The following PCDHGA8 variants were observed in gnomAD, a reference collection of about 807,000 sequenced individuals.
PCDHGA8 encodes protocadherin gamma-A8.
In PCDHGA8, 45 loss-of-function variants were observed where a neutral mutation model predicts 59.2. The observed-to-expected ratio is 0.76, with a 90% CI of 0.60 to 0.98. The LOEUF (loss-of-function observed/expected upper bound fraction) is 0.98, where lower values mean the gene tolerates loss of function less well. Among genes scored for constraint, PCDHGA8 ranks in the 50% least tolerant of loss-of-function variants. The probability of loss-of-function intolerance (pLI) is 0.00; values close to 1 mark genes in which losing one functional copy is unlikely to be tolerated. For synonymous variants in PCDHGA8, 531 were observed against 519.0 expected, an observed-to-expected ratio of 1.02 and a Z score of -0.32; for missense variants, 1,257 against 1,196.2, an observed-to-expected ratio of 1.05 and a Z score of -0.75.
intron 3 of PCDHGA8, among the ~76,000 whole-genome samples, chr5:141,510,162 A>C (rs947806998): frequency 6.6e-6 from 1 of 151,838 alleles, no homozygotes; most frequent in Non-Finnish European, 1.5e-5. Flanking sequence ...AATCTCAGCT[A>C]CTCAGGAGGT....
rs779317191 is a variant in PCDHGA8, at chr5:141,432,553, C to G, written c.2424+37316C>G. The G allele has an allele frequency of 2.6e-5, 42 of 1,613,748 alleles. No individual in the cohort carries two copies. The highest frequency in any genetic ancestry group is 2.0e-4 in the South Asian group (18 of 91,068). The stretch of plus-strand genomic sequence containing the variant: ...AGGTGGTGGCGGTGGACAGAGACTC[C>G]GGCCAGAACGCCTGGCTGTCCTACC... On this transcript the variant is annotated intron_variant, in intron 1 of 3. Coordinates refer to ENST00000398604, the MANE Select transcript of PCDHGA8 (RefSeq NM_032088.2). The surrounding 1 kb of genome is among the most constrained non-coding windows in gnomAD (Gnocchi z 6.0).
At chr5:141,420,245 G>T (rs72790042) in intron 1 of PCDHGA8, 1 of 1,584,230 alleles carries the variant, frequency 6.3e-7, no homozygotes, top group East Asian at 2.2e-5. Flanking sequence ...AACTCCCAGC[G>T]TTGAAGCAGA....
chr5:141,413,788 G>T (rs2095678300), intron 1 of PCDHGA8: 1 of 1,613,166 alleles, frequency 6.2e-7, no homozygotes, highest in African/African-American at 1.3e-5. Flanking sequence ...GCACTCCCTA[G>T]ATCGCGAGGA....
intron 1 of PCDHGA8, chr5:141,400,431 A>G (rs542969819): frequency 3.0e-5 from 48 of 1,614,034 alleles, no homozygotes; most frequent in African/African-American, 1.1e-4. Context: ...GTAGTGAGCA[A>G]TTGAGTTCAG....
At position 141,423,563 on chromosome 5, in the gene PCDHGA8, C is replaced by T. The variant is rs745802952; in HGVS notation, c.2424+28326C>T. 9.9e-6 allele frequency: 16 copies of T among 1,613,436 alleles called. No homozygotes were observed. In the Admixed American group the frequency reaches 2.3e-4, roughly 24 times the overall value. ...TTCCCCCAGCCCAACTATGGGGACA[C>T]GCTCATCAGCCAGGAGAGCTGTGAG... On this transcript the variant is annotated intron_variant, in intron 1 of 3. Coordinates refer to ENST00000398604, the MANE Select transcript of PCDHGA8 (RefSeq NM_032088.2).
rs146574799 is a variant in PCDHGA8, at chr5:141,487,337, G to A, written c.2425-7470G>A. The A allele has an allele frequency of 1.4e-5, 23 of 1,614,054 alleles. No individual in the cohort carries two copies. The highest frequency in any genetic ancestry group is 3.3e-5 in the Admixed American group (2 of 60,002). The stretch of plus-strand genomic sequence containing the variant: ...TAAGTGTCTTCGTGGGGCAGCCTGT[G>A]GAGTCACATGCTTTCCTGCTGGCAC... On this transcript the variant is annotated intron_variant, in intron 1 of 3. Coordinates refer to ENST00000398604, the MANE Select transcript of PCDHGA8 (RefSeq NM_032088.2). The surrounding 1 kb of genome is among the most constrained non-coding windows in gnomAD (Gnocchi z 5.0).
chr5:141,470,242 T>G (rs1301513342), intron 1 of PCDHGA8, among the ~76,000 whole-genome samples: 1 of 152,226 alleles, frequency 6.6e-6, no homozygotes, highest in African/African-American at 2.4e-5. Flanking sequence ...CCCTTGAATG[T>G]CCCACCTGTC....
chr5:141,491,438 G>A lies in PCDHGA8; in HGVS notation c.2425-3369G>A, dbSNP rs376927300. The A allele has an allele frequency of 3.7e-6, 6 of 1,614,066 alleles. No homozygotes were observed. Among genetic ancestry groups the A allele is most frequent in the Admixed American group, 1.7e-5 (1 of 60,016 alleles). On this transcript the variant is annotated intron_variant, in intron 1 of 3. Coordinates refer to ENST00000398604, the MANE Select transcript of PCDHGA8 (RefSeq NM_032088.2). This position sits in a 1 kb window ranked among gnomAD's most constrained non-coding sequence, Gnocchi z 6.9. ...GGGGGTGGAGGGCAGTGCTGCAGGC[G>A]CCAGGACTCACCCTCCCCGGACTTC...
At chr5:141,433,099 C>T (rs1003269683) in intron 1 of PCDHGA8, 1 of 1,614,190 alleles carries the variant, frequency 6.2e-7, no homozygotes, top group Non-Finnish European at 8.5e-7. Context: ...ACATGCTCGT[C>T]AGCCAGGAGA....
rs766164142 is a variant in PCDHGA8, at chr5:141,477,910, G to A, written c.2425-16897G>A. On this transcript the variant is annotated intron_variant, in intron 1 of 3. Transcript: ENST00000398604. The surrounding 1 kb of genome is among the most constrained non-coding windows in gnomAD (Gnocchi z 4.9). ...TGTCACGGGTGGTAGGCTGGGACGC[G>A]GATGCAGGGCACAATGCCTGGCTCT... 6.2e-7 allele frequency: 1 copy of A among 1,614,166 alleles called. No individual in the cohort carries two copies. Among genetic ancestry groups the A allele is most frequent in the Admixed American group, 1.7e-5 (1 of 60,020 alleles).
chr5:141,432,264 C>A lies in PCDHGA8; in HGVS notation c.2424+37027C>A. On this transcript the variant is annotated intron_variant, in intron 1 of 3. Transcript: ENST00000398604. The surrounding 1 kb of genome is among the most constrained non-coding windows in gnomAD (Gnocchi z 6.0). Reference sequence around the variant, plus strand: ...AACACCATCCAAGGGGCAAGCCTATCGTCCTACGTGTCCATCAACTCCGAC... The same window carrying A: ...AACACCATCCAAGGGGCAAGCCTATAGTCCTACGTGTCCATCAACTCCGAC... 5 of 1,614,252 alleles carry A rather than the reference C, an allele frequency of 3.1e-6. No homozygotes were observed. Among genetic ancestry groups the A allele is most frequent in the Non-Finnish European group, 4.2e-6 (5 of 1,180,044 alleles).
intron 1 of PCDHGA8, among the ~76,000 whole-genome samples, chr5:141,469,484 A>AGAATCGCT (rs1279677032): frequency 6.6e-6 from 1 of 152,074 alleles, no homozygotes; most frequent in African/African-American, 2.4e-5. Flanking sequence ...CTGAGGCAGG[A>AGAATCGCT]GAATCGCTTG....
chr5:141,398,597 C>A (rs986852077), intron 1 of PCDHGA8: 4 of 1,614,006 alleles, frequency 2.5e-6, no homozygotes, highest in Non-Finnish European at 3.4e-6. Flanking sequence ...CTAGAAGTAG[C>A]AGAAGATGCA....
chr5:141,453,387 G>A (rs1313174494), intron 1 of PCDHGA8, among the ~76,000 whole-genome samples: 1 of 151,936 alleles, frequency 6.6e-6, no homozygotes, highest in Non-Finnish European at 1.5e-5. Flanking sequence ...TCCTGCCTTA[G>A]CCTCCAAGTG....
chr5:141,402,850 T>C (rs1447900346), intron 1 of PCDHGA8: 7 of 1,417,624 alleles, frequency 4.9e-6, no homozygotes, highest in Non-Finnish European at 6.5e-6. Context: ...TCAGCCTCTT[T>C]CTTCTAAGGA....
chr5:141,510,813 C>T, intron 3 of PCDHGA8, 134 bp from the exon 4 acceptor site: 1 of 1,537,024 alleles, frequency 6.5e-7, no homozygotes, highest in South Asian at 1.2e-5. Flanking sequence ...CTTGGTGACC[C>T]CTATATTCCC....
intron 1 of PCDHGA8, chr5:141,421,067 T>G: frequency 1.4e-5 from 8 of 591,772 alleles, no homozygotes; most frequent in Non-Finnish European, 2.3e-5. Flanking sequence ...CAAAGCGGAA[T>G]GAGATGGATA....
At chr5:141,495,544 T>C (rs971374249) in intron 2 of PCDHGA8, among the ~76,000 whole-genome samples, 5 of 152,220 alleles carry the variant, frequency 3.3e-5, no homozygotes, top group African/African-American at 7.2e-5. Context: ...CCTCAGTCTC[T>C]ATCTCGCTTT....
In PCDHGA8 at chr5:141,431,430, G is replaced by A; in HGVS notation, c.2424+36193G>A. ...GACGGGGGCGACCCGGTGCGCACAG[G>A]CACCGCGCGCATCCGCGTGATGGTT... is the stretch of plus-strand genomic sequence containing the variant. On this transcript the variant is annotated intron_variant, in intron 1 of 3. Coordinates refer to ENST00000398604, the MANE Select transcript of PCDHGA8 (RefSeq NM_032088.2). The surrounding 1 kb of genome is among the most constrained non-coding windows in gnomAD (Gnocchi z 4.8). 1 of 1,613,680 alleles carries A rather than the reference G, an allele frequency of 6.2e-7. No individual in the cohort carries two copies. The highest frequency in any genetic ancestry group is 8.5e-7 in the Non-Finnish European group (1 of 1,180,018).
Sources: allele counts gnomAD v4.1 joint callset (sites outside exome capture counted in the v4.1 genomes callset), GRCh38; gene constraint gnomAD v4.1.1; non-coding constraint Gnocchi (gnomAD v3.1); transcripts MANE v1.5; gene names NCBI Gene and HGNC (gene_info 2026-07-23, HGNC 2026-07-21).